Variants in FBN2 observed in about 807,000 individuals in gnomAD.
FBN2 encodes the protein fibrillin 2.
FBN2 carries 105 observed loss-of-function variants against 355.6 expected under a neutral mutation model. The observed-to-expected ratio is 0.30, with a 90% CI of 0.25 to 0.35. The LOEUF (loss-of-function observed/expected upper bound fraction) is 0.35, where lower values mean the gene tolerates loss of function less well. Among genes scored for constraint, FBN2 ranks in the 10% least tolerant of loss-of-function variants. The pLI is 1.00. For synonymous variants in FBN2, 1,350 were observed against 1,301.2 expected (o/e 1.04, Z -0.81); for missense variants, 3,280 against 3,758.7 (o/e 0.87, Z 3.33).
chr5:128,505,374 A>T (rs1429338473), intron 5 of FBN2, among the ~76,000 whole-genome samples: 2 of 152,222 alleles, frequency 1.3e-5, no homozygotes, highest in Non-Finnish European at 2.9e-5. Flanking sequence ...GTAGAAAAAA[A>T]GTGTATGTGG....
At position 128,338,448 on chromosome 5, in the gene FBN2, A is replaced by C. The variant is rs1482293086; in HGVS notation, c.3473-326T>G. Among the ~76,000 whole-genome samples, 5 of 152,292 alleles carry C rather than the reference A, an allele frequency of 3.3e-5. No individual in the cohort carries two copies. In the South Asian group the frequency reaches 1.0e-3, roughly 32 times the overall value. Reference sequence around the variant, plus strand: ...CAGTTATCCTGGTGTCTGTAACGCTAATCAGGGTGAAGGAGAATCTTAGAC... The same window carrying C: ...CAGTTATCCTGGTGTCTGTAACGCTCATCAGGGTGAAGGAGAATCTTAGAC... On this transcript the variant is annotated intron_variant, in intron 26 of 64. Transcript: ENST00000262464.
Position 128,311,888 on chromosome 5 carries a change from C to T in FBN2, c.4945G>A (p.Glu1649Lys), listed in dbSNP as rs1396657103. 1.2e-6 allele frequency: 2 copies of T among 1,607,474 alleles called. No homozygotes were observed. The change falls in exon 38 of 65, where the codon GAA becomes AAA. Residue 1649 changes from glutamate to lysine, a missense_variant. Transcript: ENST00000262464. ...FRPNPITIIL[E>K]DIDECQELPG... ...GGTGACAATGGGATTAGCTCACCTT[C>T]TAAAATGATTGTGATGGGGTTAGGT...
chr5:128,370,502 G>A (rs926777961), intron 15 of FBN2, among the ~76,000 whole-genome samples: 5 of 152,166 alleles, frequency 3.3e-5, no homozygotes, highest in African/African-American at 1.2e-4. Context: ...CCCCATCCCT[G>A]AGGAGTCAAC....
intron 27 of FBN2, among the ~76,000 whole-genome samples, chr5:128,336,712 T>C (rs1169726162): frequency 6.6e-6 from 1 of 152,212 alleles, no homozygotes; most frequent in Non-Finnish European, 1.5e-5. Context: ...TCACACTGCC[T>C]GTTTAAAAAT....
intron 20 of FBN2, among the ~76,000 whole-genome samples, chr5:128,353,618 G>C (rs1272961954): frequency 2.0e-5 from 3 of 152,136 alleles, no homozygotes; most frequent in Non-Finnish European, 4.4e-5. Flanking sequence ...TTATCACCTT[G>C]TCATCATTTT....
At chr5:128,388,499 C>T (rs1752424769) in intron 11 of FBN2, among the ~76,000 whole-genome samples, 1 of 152,150 alleles carries the variant, frequency 6.6e-6, no homozygotes, top group East Asian at 1.9e-4. Flanking sequence ...CTATGTTTAA[C>T]ACTCCCTCAA....
intron 23 of FBN2, among the ~76,000 whole-genome samples, chr5:128,347,651 G>C (rs996151110): frequency 7.9e-5 from 12 of 152,160 alleles, no homozygotes; most frequent in Admixed American, 5.9e-4. Flanking sequence ...TCATGTGCCA[G>C]TTGCTTCTTG....
intron 7 of FBN2, among the ~76,000 whole-genome samples, chr5:128,410,993 C>A (rs1040926190): frequency 6.6e-6 from 1 of 152,160 alleles, no homozygotes. Context: ...AAAATACTGA[C>A]CAAAACCCCT....
intron 7 of FBN2, among the ~76,000 whole-genome samples, chr5:128,434,777 G>A (rs1753733048): frequency 6.6e-6 from 1 of 151,912 alleles, no homozygotes; most frequent in African/African-American, 2.4e-5. Context: ...AATTTATCGA[G>A]CAATTTTTTA....
At chr5:128,265,027 A>G (rs1445500064) in intron 62 of FBN2, among the ~76,000 whole-genome samples, 5 of 152,230 alleles carry the variant, frequency 3.3e-5, no homozygotes, top group Non-Finnish European at 1.5e-5. Flanking sequence ...AATATAAAAG[A>G]TGCTGATTAT....
chr5:128,328,117 C>A, intron 34 of FBN2: 1 of 165,838 alleles, frequency 6.0e-6, no homozygotes, highest in East Asian at 1.7e-4. Flanking sequence ...AATAGAAAAT[C>A]CAAATTCTTT....
intron 39 of FBN2, 83 bp downstream of exon 39, chr5:128,311,217 T>G (rs913676477): frequency 1.1e-5 from 16 of 1,451,880 alleles, no homozygotes; most frequent in Non-Finnish European, 1.5e-5. Context: ...TTGTAGAATG[T>G]GAGGATGGGC....
intron 7 of FBN2, among the ~76,000 whole-genome samples, chr5:128,436,866 C>T (rs1753780897): frequency 6.6e-6 from 1 of 152,104 alleles, no homozygotes; most frequent in Non-Finnish European, 1.5e-5. Flanking sequence ...GGCTGGGAGA[C>T]ACACAGTCCT....
chr5:128,435,490 G>T, intron 7 of FBN2, among the ~76,000 whole-genome samples: 1 of 152,132 alleles, frequency 6.6e-6, no homozygotes, highest in East Asian at 1.9e-4. Flanking sequence ...AGGACCCAAA[G>T]TGTCAAATGC....
At chr5:128,500,427 A>ATTTTTTTT (rs1312943529) in intron 5 of FBN2, among the ~76,000 whole-genome samples, 17 of 107,500 alleles carry the variant, frequency 1.6e-4, no homozygotes, top group Non-Finnish European at 2.4e-4. Context: ...GACTCTGACA[A>ATTTTTTTT]TTCTTTTTTT....
At chr5:128,481,900 T>A (rs1755201562) in intron 5 of FBN2, among the ~76,000 whole-genome samples, 1 of 152,172 alleles carries the variant, frequency 6.6e-6, no homozygotes, top group South Asian at 2.1e-4. Flanking sequence ...TCTTAGGTAA[T>A]TACAGAATGC....
intron 1 of FBN2, 123 bp from the exon 2 acceptor site, chr5:128,536,607 C>T (rs1756853766): frequency 5.3e-6 from 4 of 748,560 alleles, no homozygotes; most frequent in African/African-American, 5.2e-5. Flanking sequence ...CAAAATTACA[C>T]TTCAAATTAT....
At chr5:128,291,439 TG>T in intron 49 of FBN2, 89 bp downstream of exon 49, 1 of 1,430,936 alleles carries the variant, frequency 7.0e-7, no homozygotes, top group East Asian at 2.3e-5. Flanking sequence ...ACATGTATTT[TG>T]TTAGGACTAA....
chr5:128,343,742 TAA>T lies in FBN2; in HGVS notation c.3343+641_3343+642del, dbSNP rs1751091553. Among the ~76,000 whole-genome samples the T allele has an allele frequency of 9.8e-5, 15 of 152,362 alleles. No homozygotes were observed. The South Asian group carries it at 2.9e-3, about 29-fold the overall frequency. Reference sequence around the variant, plus strand: ...TCTATATCACAAACCTTAAAATCTTTAAGAGAACACTACTCAAGTTTATATAA... The same window carrying T: ...TCTATATCACAAACCTTAAAATCTTTGAGAACACTACTCAAGTTTATATAA... On this transcript the variant is annotated intron_variant, in intron 25 of 64. Transcript: ENST00000262464.
Sources: gnomAD v4.1 joint callset for allele counts (sites outside exome capture counted in the v4.1 genomes callset) on GRCh38, gnomAD v4.1.1 for gene constraint, MANE v1.5 for transcripts, NCBI Gene and HGNC (gene_info 2026-07-23, HGNC 2026-07-21) for gene names.